Variants in SGCZ observed in about 807,000 individuals in gnomAD.
SGCZ encodes the protein sarcoglycan zeta, also known as zeta-sarcoglycan.
A neutral mutation model predicts 41.3 loss-of-function variants in SGCZ; 40 were observed. The ratio of observed to expected loss-of-function variants is 0.97; its 90% CI spans 0.75 to 1.26. The LOEUF is 1.26. Among genes scored for constraint, SGCZ ranks in the 50% most tolerant of loss-of-function variants. The pLI, the probability that SGCZ is intolerant of heterozygous loss-of-function variation, is 0.00. For synonymous variants in SGCZ, 206 were observed against 137.5 expected, an observed-to-expected ratio of 1.50 and a Z score of -3.49; for missense variants, 552 against 369.8, an observed-to-expected ratio of 1.49 and a Z score of -4.04.
intron 1 of SGCZ, among the ~76,000 whole-genome samples, chr8:15,192,089 T>C (rs1800560854): frequency 6.6e-6 from 1 of 152,108 alleles, no homozygotes; most frequent in Non-Finnish European, 1.5e-5. Context: ...GTGTTTTTAC[T>C]TCTGTTATGG....
At chr8:14,393,844 A>G (rs1287887808) in intron 2 of SGCZ, among the ~76,000 whole-genome samples, 1 of 152,158 alleles carries the variant, frequency 6.6e-6, no homozygotes, top group East Asian at 1.9e-4. Context: ...TACAGATTCT[A>G]ATGAACTCTG....
chr8:14,438,917 A>T (rs1800166894), intron 2 of SGCZ, among the ~76,000 whole-genome samples: 1 of 152,004 alleles, frequency 6.6e-6, no homozygotes, highest in Non-Finnish European at 1.5e-5. Flanking sequence ...CTTGTAAGAG[A>T]AGTATTCTGT....
At chr8:14,402,472 G>A (rs1799105046) in intron 2 of SGCZ, among the ~76,000 whole-genome samples, 2 of 151,206 alleles carry the variant, frequency 1.3e-5, no homozygotes, top group East Asian at 1.9e-4. Flanking sequence ...TGTATAAGGT[G>A]TAAGGAAGGG....
At chr8:14,140,035 G>C (rs1311319672) in intron 5 of SGCZ, among the ~76,000 whole-genome samples, 1 of 151,712 alleles carries the variant, frequency 6.6e-6, no homozygotes, top group African/African-American at 2.4e-5. Flanking sequence ...TTCAACATAT[G>C]CAAATCAATA....
chr8:15,231,270 C>T (rs993523556), intron 1 of SGCZ, among the ~76,000 whole-genome samples: 12 of 152,146 alleles, frequency 7.9e-5, no homozygotes, highest in Non-Finnish European at 1.6e-4. Flanking sequence ...GTCAACTTGG[C>T]ATAGAACACT....
intron 2 of SGCZ, among the ~76,000 whole-genome samples, chr8:14,356,775 T>C (rs981632814): frequency 7.9e-5 from 12 of 152,192 alleles, no homozygotes; most frequent in African/African-American, 2.9e-4. Flanking sequence ...AAAATACGAT[T>C]GCAAATAATA....
chr8:14,404,145 T>A (rs1799150048), intron 2 of SGCZ, among the ~76,000 whole-genome samples: 1 of 152,186 alleles, frequency 6.6e-6, no homozygotes, highest in Non-Finnish European at 1.5e-5. Context: ...AGCTCCATTT[T>A]AAATTTTACT....
intron 1 of SGCZ, among the ~76,000 whole-genome samples, chr8:14,672,984 G>A (rs1022141434): frequency 6.6e-6 from 1 of 152,174 alleles, no homozygotes; most frequent in South Asian, 2.1e-4. Flanking sequence ...GTGTTGCTGT[G>A]TTTCAAGCAA....
chr8:14,088,865 C>G lies in SGCZ; in HGVS notation c.*1578G>C, dbSNP rs916323691. 1.3e-5 allele frequency among the ~76,000 whole-genome samples: 2 copies of G among 151,894 alleles called. No homozygotes were observed. The highest frequency in any genetic ancestry group is 4.8e-5 in the African/African-American group (2 of 41,402). ...CAACAAGTTCTAATCTCCCAGTTCA[C>G]TCTGAGCTGTAGACACCTGAACTCC... On this transcript the variant is annotated 3_prime_UTR_variant, in exon 8 of 8. Coordinates refer to ENST00000382080, the MANE Select transcript of SGCZ (RefSeq NM_139167.4).
At chr8:14,725,584 C>G (rs529001096) in intron 1 of SGCZ, among the ~76,000 whole-genome samples, 2 of 152,112 alleles carry the variant, frequency 1.3e-5, no homozygotes, top group Non-Finnish European at 2.9e-5. Context: ...TAATGAGAAG[C>G]AAGGGGCACA....
chr8:14,958,713 T>G (rs779623246), intron 1 of SGCZ, among the ~76,000 whole-genome samples: 11 of 152,072 alleles, frequency 7.2e-5, no homozygotes, highest in Non-Finnish European at 1.3e-4. Context: ...CACATGTAAA[T>G]TTTATCTCAA....
intron 1 of SGCZ, among the ~76,000 whole-genome samples, chr8:15,061,649 C>T (rs1399292983): frequency 6.6e-6 from 1 of 151,820 alleles, no homozygotes; most frequent in Non-Finnish European, 1.5e-5. Flanking sequence ...TGCCCTTCTA[C>T]ATCTTGCCAT....
intron 3 of SGCZ, among the ~76,000 whole-genome samples, chr8:14,249,188 A>G (rs7831589): frequency 0.67 from 101,285 of 152,018 alleles, 34,133 homozygotes; most frequent in South Asian, 0.78. Flanking sequence ...GGCAGAATAC[A>G]AGAGAATTCA....
At chr8:14,627,703 C>T (rs956749621) in intron 1 of SGCZ, among the ~76,000 whole-genome samples, 1 of 151,972 alleles carries the variant, frequency 6.6e-6, no homozygotes, top group African/African-American at 2.4e-5. Flanking sequence ...ATCATACACC[C>T]AGCTGATCTG....
At chr8:15,165,313 T>A (rs1164760426) in intron 1 of SGCZ, among the ~76,000 whole-genome samples, 3 of 151,774 alleles carry the variant, frequency 2.0e-5, no homozygotes, top group African/African-American at 4.8e-5. Context: ...AAAAAACCTC[T>A]AATTAATTTG....
chr8:14,457,360 C>A (rs1178922614), intron 2 of SGCZ, among the ~76,000 whole-genome samples: 1 of 152,198 alleles, frequency 6.6e-6, no homozygotes, highest in Non-Finnish European at 1.5e-5. Context: ...TGCCTGTTAC[C>A]AGGTGGATCA....
chr8:14,630,023 A>C (rs1474727426), intron 1 of SGCZ, among the ~76,000 whole-genome samples: 2 of 152,108 alleles, frequency 1.3e-5, no homozygotes, highest in African/African-American at 2.4e-5. Context: ...ACTTTGTATT[A>C]TCTCAGATAT....
At chr8:14,979,411 A>G (rs1285749095) in intron 1 of SGCZ, among the ~76,000 whole-genome samples, 2 of 152,316 alleles carry the variant, frequency 1.3e-5, no homozygotes, top group African/African-American at 4.8e-5. Context: ...GTAGCCATTA[A>G]AAATTAAAGA....
chr8:14,718,959 C>T (rs1809790486), intron 1 of SGCZ, among the ~76,000 whole-genome samples: 1 of 148,810 alleles, frequency 6.7e-6, no homozygotes, highest in Admixed American at 6.7e-5. Context: ...CCCATTAACT[C>T]GTCATTTAGC....
Sources: gnomAD v4.1 joint callset for allele counts (sites outside exome capture counted in the v4.1 genomes callset) on GRCh38, gnomAD v4.1.1 for gene constraint, MANE v1.5 for transcripts, NCBI Gene and HGNC (gene_info 2026-07-23, HGNC 2026-07-21) for gene names.